The following CNTN4 variants were observed in gnomAD, a reference collection of about 807,000 sequenced individuals.
CNTN4 encodes contactin-4.
In CNTN4, 77 loss-of-function variants were observed where a neutral mutation model predicts 122.5. The ratio of observed to expected loss-of-function variants is 0.63; its 90% CI spans 0.52 to 0.76. The LOEUF is 0.76. Among genes scored for constraint, CNTN4 ranks in the 30% least tolerant of loss-of-function variants. The pLI is 0.00. For missense variants in CNTN4, 1,256 were observed against 1,259.1 expected, an observed-to-expected ratio of 1.00 and a Z score of 0.04; for synonymous variants, 512 against 447.0, an observed-to-expected ratio of 1.15 and a Z score of -1.83.
chr3:2,468,132 T>A (rs1157536630), intron 3 of CNTN4, among the ~76,000 whole-genome samples: 1 of 152,202 alleles, frequency 6.6e-6, no homozygotes, highest in Non-Finnish European at 1.5e-5. Flanking sequence ...AAGACTGAAT[T>A]TGACATTTAA....
At chr3:2,513,840 C>T (rs562961047) in intron 3 of CNTN4, among the ~76,000 whole-genome samples, 3 of 152,156 alleles carry the variant, frequency 2.0e-5, no homozygotes, top group South Asian at 2.1e-4. Context: ...CTTGACAGAT[C>T]GGGAAGCCAG....
chr3:2,481,649 C>G (rs1004834151), intron 3 of CNTN4, among the ~76,000 whole-genome samples: 2 of 151,992 alleles, frequency 1.3e-5, no homozygotes, highest in African/African-American at 4.8e-5. Context: ...TGGCTGTATC[C>G]CTACCCAAAT....
At chr3:2,353,414 C>G (rs913782140) in intron 3 of CNTN4, among the ~76,000 whole-genome samples, 1 of 152,108 alleles carries the variant, frequency 6.6e-6, no homozygotes, top group Non-Finnish European at 1.5e-5. Context: ...GGTCTGGTCC[C>G]CTTCCACATT....
chr3:2,653,197 A>G (rs182067560), intron 4 of CNTN4, among the ~76,000 whole-genome samples: 22 of 152,280 alleles, frequency 1.4e-4, no homozygotes, highest in African/African-American at 5.1e-4. Context: ...CAATTTTTAA[A>G]AATTGTAAAA....
chr3:2,355,519 G>C (rs1159819756), intron 3 of CNTN4, among the ~76,000 whole-genome samples: 2 of 152,116 alleles, frequency 1.3e-5, no homozygotes, highest in African/African-American at 4.8e-5. Flanking sequence ...CAGGAGCAAA[G>C]GTTACCTTTC....
chr3:2,140,012 T>C (rs1180785198), intron 2 of CNTN4, among the ~76,000 whole-genome samples: 1 of 152,196 alleles, frequency 6.6e-6, no homozygotes, highest in Non-Finnish European at 1.5e-5. Context: ...GCCGTTCTTG[T>C]CATAGCAAAT....
intron 3 of CNTN4, among the ~76,000 whole-genome samples, chr3:2,489,333 G>A (rs2076249471): frequency 6.6e-6 from 1 of 152,168 alleles, no homozygotes; most frequent in Non-Finnish European, 1.5e-5. Flanking sequence ...AACAAATGAA[G>A]CAATGTAGTA....
intron 11 of CNTN4, among the ~76,000 whole-genome samples, chr3:2,902,620 C>T (rs989626471): frequency 3.9e-5 from 6 of 152,086 alleles, no homozygotes; most frequent in African/African-American, 1.4e-4. Flanking sequence ...CTGAATGGCT[C>T]CACTATTAAA....
At chr3:2,940,482 C>T (rs1009651644) in intron 13 of CNTN4, among the ~76,000 whole-genome samples, 1 of 152,130 alleles carries the variant, frequency 6.6e-6, no homozygotes, top group African/African-American at 2.4e-5. Context: ...GAATCGGAAG[C>T]TTAGATATAC....
At chr3:2,921,496 A>C (rs1020213632) in intron 12 of CNTN4, among the ~76,000 whole-genome samples, 1 of 152,222 alleles carries the variant, frequency 6.6e-6, no homozygotes, top group Non-Finnish European at 1.5e-5. Context: ...AGTAGTGAAA[A>C]GATTTGAATT....
At chr3:2,852,691 G>C (rs2093566817) in intron 7 of CNTN4, among the ~76,000 whole-genome samples, 2 of 152,168 alleles carry the variant, frequency 1.3e-5, no homozygotes, top group Non-Finnish European at 2.9e-5. Flanking sequence ...TCACAAAGTA[G>C]TGGTAAACCA....
chr3:2,231,189 T>C (rs2039472275), intron 2 of CNTN4, among the ~76,000 whole-genome samples: 1 of 152,194 alleles, frequency 6.6e-6, no homozygotes, highest in Non-Finnish European at 1.5e-5. Flanking sequence ...TTTACACTCA[T>C]TTTTTGCTCT....
chr3:2,166,945 C>T (rs1050272547), intron 2 of CNTN4, among the ~76,000 whole-genome samples: 1 of 151,568 alleles, frequency 6.6e-6, no homozygotes. Flanking sequence ...AAGAAAGAAA[C>T]GAGAAAATAT....
intron 4 of CNTN4, among the ~76,000 whole-genome samples, chr3:2,668,406 T>C (rs538870192): frequency 6.4e-4 from 97 of 152,330 alleles, no homozygotes; most frequent in Non-Finnish European, 1.3e-3. Context: ...CTGTTATTGG[T>C]ATATAAGAAT....
intron 5 of CNTN4, among the ~76,000 whole-genome samples, chr3:2,740,040 C>A (rs1332903286): frequency 2.0e-5 from 3 of 151,368 alleles, no homozygotes; most frequent in African/African-American, 7.3e-5. Context: ...CTTTTTTTTT[C>A]CCCCAAGTAC....
Position 2,709,873 on chromosome 3 carries a change from C to T in CNTN4, c.56-26342C>T, listed in dbSNP as rs1350922939. On this transcript the variant is annotated intron_variant, in intron 4 of 24. Transcript: ENST00000418658. This position sits in a 1 kb window ranked among gnomAD's most constrained non-coding sequence, Gnocchi z 5.0. ...TGAGACTGCGCCACTGCACTCCAGC[C>T]TGGGTGACAGGGCAAGACCCTGTCT... 6.6e-6 allele frequency among the ~76,000 whole-genome samples: 1 copy of T among 152,086 alleles called. No individual in the cohort carries two copies. The highest frequency in any genetic ancestry group is 1.5e-5 in the Non-Finnish European group (1 of 68,000).
intron 2 of CNTN4, among the ~76,000 whole-genome samples, chr3:2,274,510 C>A (rs1420144075): frequency 9.3e-6 from 1 of 107,638 alleles, no homozygotes; most frequent in Non-Finnish European, 2.2e-5. Context: ...AAACACTGTT[C>A]CTTATTTGCT....
At chr3:2,172,973 G>C (rs1457843397) in intron 2 of CNTN4, among the ~76,000 whole-genome samples, 3 of 152,184 alleles carry the variant, frequency 2.0e-5, no homozygotes, top group Non-Finnish European at 2.9e-5. Context: ...GGTATTATTG[G>C]CACTACAGAT....
intron 2 of CNTN4, among the ~76,000 whole-genome samples, chr3:2,270,696 G>C (rs1042009099): frequency 1.6e-5 from 2 of 125,210 alleles, no homozygotes; most frequent in Non-Finnish European, 1.9e-5. Context: ...CATGAGATTT[G>C]CTTAAGGAAG....
Sources: allele counts gnomAD v4.1 joint callset (sites outside exome capture counted in the v4.1 genomes callset), GRCh38; gene constraint gnomAD v4.1.1; non-coding constraint Gnocchi (gnomAD v3.1); transcripts MANE v1.5; gene names NCBI Gene and HGNC (gene_info 2026-07-23, HGNC 2026-07-21).